The following CCDC171 variants were observed in gnomAD, a reference collection of about 807,000 sequenced individuals.
CCDC171 encodes the protein coiled-coil domain containing 171, also known as coiled-coil domain-containing protein 171.
CCDC171 carries 177 observed loss-of-function variants against 168.2 expected under a neutral mutation model. The observed-to-expected ratio is 1.05, with a 90% CI of 0.93 to 1.19. The LOEUF is 1.19. Among genes scored for constraint, CCDC171 ranks in the 50% most tolerant of loss-of-function variants. The pLI is 0.00. For missense variants in CCDC171, 1,991 were observed against 1,539.0 expected, an observed-to-expected ratio of 1.29 and a Z score of -4.91; for synonymous variants, 687 against 540.8, an observed-to-expected ratio of 1.27 and a Z score of -3.75.
intron 25 of CCDC171, among the ~76,000 whole-genome samples, chr9:15,956,426 A>G (rs921525652): frequency 2.0e-5 from 3 of 152,208 alleles, no homozygotes; most frequent in African/African-American, 7.2e-5. Flanking sequence ...GATGTCAGTA[A>G]CAAAGAGCCC....
intron 24 of CCDC171, among the ~76,000 whole-genome samples, chr9:15,899,671 G>T (rs908163643): frequency 1.3e-5 from 2 of 151,810 alleles, no homozygotes; most frequent in Admixed American, 6.6e-5. Flanking sequence ...ATTCTCTTTC[G>T]TAAAATGTAT....
intron 24 of CCDC171, among the ~76,000 whole-genome samples, chr9:15,879,183 T>C (rs1489960573): frequency 6.6e-6 from 1 of 152,220 alleles, no homozygotes; most frequent in Admixed American, 6.5e-5. Context: ...CATTTTGGTA[T>C]ATATTCTTCA....
Position 15,946,358 on chromosome 9 carries a change from C to T in CCDC171, c.3754-25251C>T, listed in dbSNP as rs577540654. On this transcript the variant is annotated intron_variant, in intron 25 of 25. Transcript: ENST00000380701. ...AAAATCAATGTGCAAAAATCACAAGCGTTCTTATACACCAATAACAGACAA... is the reference window on the plus strand; with the variant it reads ...AAAATCAATGTGCAAAAATCACAAGTGTTCTTATACACCAATAACAGACAA... 2.8e-4 allele frequency among the ~76,000 whole-genome samples: 42 copies of T among 152,070 alleles called. 1 individual carries two copies. Among genetic ancestry groups the T allele is most frequent in the Admixed American group, 5.3e-4 (8 of 15,226 alleles).
At chr9:16,001,807 G>A (rs1239208695) in intron 3 of CCDC171, among the ~76,000 whole-genome samples, 2 of 150,916 alleles carry the variant, frequency 1.3e-5, no homozygotes, top group Non-Finnish European at 3.0e-5. Flanking sequence ...GGTAATAAAT[G>A]ACTATGTTAC....
chr9:15,887,063 A>G (rs1488055756), intron 24 of CCDC171, among the ~76,000 whole-genome samples: 3 of 152,154 alleles, frequency 2.0e-5, no homozygotes, highest in Non-Finnish European at 2.9e-5. Flanking sequence ...ACAGTGCTAT[A>G]TAATGCATTG....
At chr9:15,660,528 A>G (rs545271276) in intron 8 of CCDC171, among the ~76,000 whole-genome samples, 25 of 152,258 alleles carry the variant, frequency 1.6e-4, no homozygotes, top group African/African-American at 4.8e-4. Flanking sequence ...TATGTCCACA[A>G]GTATCCAGTA....
intron 8 of CCDC171, among the ~76,000 whole-genome samples, chr9:15,660,880 C>G (rs1460578795): frequency 6.6e-6 from 1 of 152,150 alleles, no homozygotes; most frequent in Non-Finnish European, 1.5e-5. Flanking sequence ...GTTCTGAGTT[C>G]TTTGAGAAAT....
intron 8 of CCDC171, among the ~76,000 whole-genome samples, chr9:15,663,857 C>T (rs923146389): frequency 1.3e-5 from 2 of 152,078 alleles, no homozygotes; most frequent in South Asian, 2.1e-4. Flanking sequence ...CCGCCTGCCT[C>T]GGCCTCCCAA....
chr9:15,720,232 A>G (rs539070906), intron 11 of CCDC171, among the ~76,000 whole-genome samples: 2 of 152,296 alleles, frequency 1.3e-5, no homozygotes, highest in East Asian at 1.9e-4. Flanking sequence ...AAGTTGCTCT[A>G]TCATTAACTA....
the CCDC171 span, among the ~76,000 whole-genome samples, chr9:16,101,116 G>A: frequency 4.6e-5 from 7 of 152,270 alleles, no homozygotes; most frequent in African/African-American, 1.7e-4. Flanking sequence ...TATCACCAAA[G>A]GGCCCCCAGC....
chr9:16,016,971 G>T (rs371644440), intron 3 of CCDC171, among the ~76,000 whole-genome samples: 4 of 152,132 alleles, frequency 2.6e-5, no homozygotes, highest in African/African-American at 7.2e-5. Context: ...CAGTAAGATC[G>T]TAAAAATCAG....
intron 18 of CCDC171, among the ~76,000 whole-genome samples, chr9:15,774,277 A>C (rs946525267): frequency 2.4e-5 from 3 of 125,110 alleles, no homozygotes; most frequent in African/African-American, 5.8e-5. Flanking sequence ...AAAAAAAAAA[A>C]GTCATCAGAA....
At chr9:16,108,632 G>A in the CCDC171 span, among the ~76,000 whole-genome samples, 87 of 152,300 alleles carry the variant, frequency 5.7e-4, no homozygotes, top group African/African-American at 2.0e-3. Context: ...GGCATCACAT[G>A]TATGAATATA....
At chr9:15,675,187 G>GTTTTTTTTTTTTTTTTTT (rs138989790) in intron 9 of CCDC171, among the ~76,000 whole-genome samples, 25 of 75,540 alleles carry the variant, frequency 3.3e-4, no homozygotes, top group Admixed American at 6.0e-4. Context: ...TGCAACTCCT[G>GTTTTTTTTTTTTTTTTTT]TTTTTTTTTT....
intron 1 of CCDC171, among the ~76,000 whole-genome samples, chr9:16,058,336 C>T (rs1833875900): frequency 6.6e-6 from 1 of 152,294 alleles, no homozygotes; most frequent in African/African-American, 2.4e-5. Flanking sequence ...ACCGTGAGAA[C>T]ACTCCCCTGC....
chr9:15,621,903 A>G (rs766694076), intron 6 of CCDC171, among the ~76,000 whole-genome samples: 11 of 152,222 alleles, frequency 7.2e-5, no homozygotes, highest in Non-Finnish European at 1.5e-4. Context: ...GTGTTAGACT[A>G]GATAAAGAAA....
intron 25 of CCDC171, among the ~76,000 whole-genome samples, chr9:15,930,113 T>A (rs1297657600): frequency 6.6e-6 from 1 of 151,708 alleles, no homozygotes; most frequent in Non-Finnish European, 1.5e-5. Flanking sequence ...AATGATCAGA[T>A]TTTAATAAAT....
At chr9:15,996,620 G>A (rs953227135) in intron 3 of CCDC171, among the ~76,000 whole-genome samples, 2 of 151,800 alleles carry the variant, frequency 1.3e-5, no homozygotes, top group Non-Finnish European at 2.9e-5. Flanking sequence ...AACTAAAATA[G>A]TTTTAAGTTA....
intron 23 of CCDC171, among the ~76,000 whole-genome samples, chr9:15,850,722 A>G (rs2061088005): frequency 6.6e-6 from 1 of 151,974 alleles, no homozygotes. Flanking sequence ...TGAAAGTCTC[A>G]GGAAGATGCA....
Sources: gnomAD v4.1 joint callset for allele counts (sites outside exome capture counted in the v4.1 genomes callset) on GRCh38, gnomAD v4.1.1 for gene constraint, MANE v1.5 for transcripts, NCBI Gene and HGNC (gene_info 2026-07-23, HGNC 2026-07-21) for gene names.